Variants in BEX4 observed in about 807,000 individuals in gnomAD.
The protein encoded by BEX4 is protein BEX4.
For synonymous variants in BEX4, 37 were observed against 33.5 expected, an observed-to-expected ratio of 1.11 and a Z score of -0.36; for missense variants, 110 against 96.5, an observed-to-expected ratio of 1.14 and a Z score of -0.59.
Position 103,216,666 on chromosome X carries a change from C to T in BEX4, c.*150C>T, listed in dbSNP as rs1924598008. Reference sequence around the variant, plus strand: ...TAATTGAATATTGTTTTGTCTCAGCCTAAAAGTTACGGTCAGCATGGCAAT... The same window carrying T: ...TAATTGAATATTGTTTTGTCTCAGCTTAAAAGTTACGGTCAGCATGGCAAT... On this transcript the variant is annotated 3_prime_UTR_variant, in exon 3 of 3. Coordinates refer to ENST00000372695, the MANE Select transcript of BEX4 (RefSeq NM_001080425.4). 1.5e-6 allele frequency: 1 copy of T among 672,363 alleles called. No homozygotes were observed. Among genetic ancestry groups the T allele is most frequent in the Non-Finnish European group, 2.2e-6 (1 of 464,554 alleles). The allele number at this position is 672,363 out of a possible 1,213,427, so 55.4% of individuals were successfully genotyped here. A position where few individuals can be genotyped will look rare whatever the true frequency, so the allele number is the denominator to read the frequency against.
chrX:103,216,330 C>T lies in BEX4; in HGVS notation c.177C>T (p.Val59=), dbSNP rs1924586015. 1 of 1,210,720 alleles carries T rather than the reference C, an allele frequency of 8.3e-7. No homozygotes were observed. The highest frequency in any genetic ancestry group is 1.7e-5 in the African/African-American group (1 of 57,692). Residue 59 remains valine, a synonymous_variant, in exon 3 of 3, where the codon GTC becomes GTT. Coordinates refer to ENST00000372695, the MANE Select transcript of BEX4 (RefSeq NM_001080425.4). The stretch of plus-strand genomic sequence containing the variant: ...GGCGGGGGCGAGTTAGGCGACTTGT[C>T]CCTAATTTTCGATGGGCCATACCTA... ...NIRRGRVRRL[V]PNFRWAIPNR...
At position 103,216,431 on chromosome X, in the gene BEX4, A is replaced by G. The variant is rs1602941306; in HGVS notation, c.278A>G (p.Lys93Arg). The G allele has an allele frequency of 8.3e-7, 1 of 1,211,797 alleles. No individual in the cohort carries two copies. The highest frequency in any genetic ancestry group is 1.1e-6 in the Non-Finnish European group (1 of 895,400). Residue 93 changes from lysine to arginine, a missense_variant, in exon 3 of 3, where the codon AAG becomes AGG. By Grantham distance (26) the Lys-to-Arg change is conservative (BLOSUM62 2). Coordinates refer to ENST00000372695, the MANE Select transcript of BEX4 (RefSeq NM_001080425.4). ...FVGQMMEIKR[K>R]TREQQMRHYM... ...GGGCAGATGATGGAAATCAAGAGAA[A>G]GACTAGGGAACAGCAGATGAGGCAC...
rs766131210 is a variant in BEX4 at position 103,216,488 on chromosome X, A to C, written c.335A>C (p.Asn112Thr). ...CGCTTCCAAACTCCTGAACCTGACA[A>C]CCATTATGACTTTTGCCTCATACCT... ...YMRFQTPEPD[N>T]HYDFCLIP The change falls in exon 3 of 3, where the codon AAC becomes ACC. Residue 112 changes from asparagine (N) to threonine (T), a missense_variant. Asn to Thr is a moderately conservative substitution (Grantham distance 65). Transcript: ENST00000372695. 4 of 1,209,062 alleles carry C rather than the reference A, an allele frequency of 3.3e-6. No homozygotes were observed. The East Asian group carries it at 1.2e-4, about 36-fold the overall frequency.
At chrX:103,216,044 C>A in intron 2 of BEX4, 105 bp from the exon 3 acceptor site, 1 of 969,533 alleles carries the variant, frequency 1.0e-6, no homozygotes, top group East Asian at 3.3e-5. Context: ...AGTATAAAGT[C>A]AAGTCCAGGG....
intron 1 of BEX4, 64 bp from the exon 2 acceptor site, chrX:103,215,618 C>A: frequency 1.3e-6 from 1 of 778,401 alleles, no homozygotes; most frequent in Non-Finnish European, 1.6e-6. Flanking sequence ...GGGGAGGGGC[C>A]GGATGGCGGT....
intron 1 of BEX4, 61 bp from the exon 2 acceptor site, chrX:103,215,621 A>T: frequency 1.3e-6 from 1 of 786,576 alleles, no homozygotes; most frequent in Admixed American, 6.2e-5. Flanking sequence ...GAGGGGCCGG[A>T]TGGCGGTAGT....
At chrX:103,215,545 G>A (rs1330952827) in intron 1 of BEX4, 137 bp from the exon 2 acceptor site, 2 of 459,640 alleles carry the variant, frequency 4.4e-6, no homozygotes, top group Non-Finnish European at 5.9e-6. Context: ...CGGCTGAGGC[G>A]GGGGGCGAGG....
At chrX:103,216,035 G>A in intron 2 of BEX4, 114 bp from the exon 3 acceptor site, 5 of 939,354 alleles carry the variant, frequency 5.3e-6, no homozygotes. Context: ...AAATGTTAGA[G>A]TATAAAGTCA....
Position 103,216,584 on chromosome X carries a change from T to C in BEX4, c.*68T>C. 9.3e-7 allele frequency: 1 copy of C among 1,073,927 alleles called. No individual in the cohort carries two copies. 88.5% of individuals were successfully genotyped at this position (1,073,927 alleles called of 1,213,427 possible). ...CAAGCTTGTATTTTTGTGATTTACT[T>C]TTTCTGTAAGCCTTTTGGGGTTTAC... is the stretch of plus-strand genomic sequence containing the variant. On this transcript the variant is annotated 3_prime_UTR_variant, in exon 3 of 3. Coordinates refer to ENST00000372695, the MANE Select transcript of BEX4 (RefSeq NM_001080425.4).
At chrX:103,215,920 G>GTATGC (rs2147647221) in intron 2 of BEX4, among the ~76,000 whole-genome samples, 156 bp downstream of exon 2, 1 of 111,427 alleles carries the variant, frequency 9.0e-6, no homozygotes, top group East Asian at 2.9e-4. Context: ...GCCTGCGGAA[G>GTATGC]CCTGGAGATG....
rs1426161414 is a variant in BEX4, at chrX:103,216,556, T to C, written c.*40T>C. ...CGCTGAGGTTAATGTGAACACTGCT[T>C]TACAAGCTTGTATTTTTGTGATTTA... On this transcript the variant is annotated 3_prime_UTR_variant, in exon 3 of 3. Transcript: ENST00000372695. The C allele has an allele frequency of 6.2e-6, 7 of 1,136,142 alleles. No individual in the cohort carries two copies. The highest frequency in any genetic ancestry group is 8.2e-6 in the Non-Finnish European group (7 of 855,654). 93.6% of individuals were successfully genotyped at this position (1,136,142 alleles called of 1,213,427 possible).
At position 103,217,222 on chromosome X, in the gene BEX4, AAAAG is replaced by A; in HGVS notation, c.*710_*713del. 8.1e-6 allele frequency: 1 copy of A among 123,310 alleles called. No homozygotes were observed. Among genetic ancestry groups the A allele is most frequent in the Non-Finnish European group, 1.9e-5 (1 of 53,316 alleles). 10.2% of individuals were successfully genotyped at this position (123,310 alleles called of 1,213,427 possible). The stretch of plus-strand genomic sequence containing the variant: ...CTGACTTTGATGGGCAAGTAATTAA[AAAAG>A]AAAAGTATGAGACCTTAAAATAAGA... On this transcript the variant is annotated 3_prime_UTR_variant, in exon 3 of 3. Coordinates refer to ENST00000372695, the MANE Select transcript of BEX4 (RefSeq NM_001080425.4).
Position 103,216,647 on chromosome X carries a change from A to C in BEX4, c.*131A>C. 1 of 794,949 alleles carries C rather than the reference A, an allele frequency of 1.3e-6. No homozygotes were observed. Among genetic ancestry groups the C allele is most frequent in the Non-Finnish European group, 1.8e-6 (1 of 565,506 alleles). 65.5% of individuals were successfully genotyped at this position (794,949 alleles called of 1,213,427 possible). A position where few individuals can be genotyped will look rare whatever the true frequency, so the allele number is the denominator to read the frequency against. ...CTAATGGAAATTAGAATTCTAATTG[A>C]ATATTGTTTTGTCTCAGCCTAAAAG... On this transcript the variant is annotated 3_prime_UTR_variant, in exon 3 of 3. Coordinates refer to ENST00000372695, the MANE Select transcript of BEX4 (RefSeq NM_001080425.4).
chrX:103,215,662 C>A lies in BEX4; in HGVS notation c.-88-20C>A, dbSNP rs1248313370. ...GCTAGCGTTCTGCTGCAGCAGCCCC[C>A]ACTTCCCCCACCCCGGCAGTCTGCA... On this transcript the variant is annotated intron_variant, in intron 1 of 2. Transcript: ENST00000372695. The A allele has an allele frequency of 4.6e-6, 4 of 863,949 alleles. 1 individual carries two copies. The highest frequency in any genetic ancestry group is 6.4e-5 in the South Asian group (2 of 31,424). The allele number at this position is 863,949 out of a possible 1,213,427, so 71.2% of individuals were successfully genotyped here.
chrX:103,216,101 T>C, intron 2 of BEX4, 48 bp from the exon 3 acceptor site: 1 of 1,126,970 alleles, frequency 8.9e-7, no homozygotes, highest in South Asian at 2.3e-5. Flanking sequence ...CCTCAGTGCT[T>C]ATCAGTCCAC....
In BEX4 at chrX:103,216,221, G is replaced by A. The variant is rs755040139; in HGVS notation, c.68G>A (p.Gly23Glu). The A allele has an allele frequency of 2.8e-5, 32 of 1,159,003 alleles. No homozygotes were observed. Among genetic ancestry groups the A allele is most frequent in the African/African-American group, 5.5e-5 (3 of 54,865 alleles). ...GAAAATGCCCAACAAGAAAACGAAG[G>A]AGGGGAGCAGGCCCCCACGCAGAAT... is the stretch of plus-strand genomic sequence containing the variant. ...NGENAQQENE[G>E]GEQAPTQNEE... The change falls in exon 3 of 3, where the codon GGA becomes GAA. Residue 23 changes from glycine to glutamate, a missense_variant. Gly to Glu is a moderately conservative substitution (Grantham distance 98). Coordinates refer to ENST00000372695, the MANE Select transcript of BEX4 (RefSeq NM_001080425.4).
chrX:103,215,715 C>T lies in BEX4; in HGVS notation c.-55C>T. 3 of 921,737 alleles carry T rather than the reference C, an allele frequency of 3.3e-6. No homozygotes were observed. Among genetic ancestry groups the T allele is most frequent in the Non-Finnish European group, 4.1e-6 (3 of 735,098 alleles). 76.0% of individuals were successfully genotyped at this position (921,737 alleles called of 1,213,427 possible). On this transcript the variant is annotated 5_prime_UTR_variant, in exon 2 of 3. Coordinates refer to ENST00000372695, the MANE Select transcript of BEX4 (RefSeq NM_001080425.4). ...TCTGCGGGGCTAAGTGTCGCGGCGG[C>T]GCACCTCGCGTCAAGAATCCGGAGG... is the stretch of plus-strand genomic sequence containing the variant.
intron 1 of BEX4, 101 bp downstream of exon 1, chrX:103,215,339 G>A: frequency 1.7e-6 from 1 of 581,861 alleles, no homozygotes; most frequent in East Asian, 1.5e-4. Flanking sequence ...CAATCGGTCC[G>A]CGATGCAGCC....
At position 103,215,736 on chromosome X, in the gene BEX4, G is replaced by A. The variant is rs1924563359; in HGVS notation, c.-34G>A. On this transcript the variant is annotated 5_prime_UTR_variant, in exon 2 of 3. Coordinates refer to ENST00000372695, the MANE Select transcript of BEX4 (RefSeq NM_001080425.4). ...GCGGCGCACCTCGCGTCAAGAATCC[G>A]GAGGAGGAGACTGCAAGGATAGGCC... The A allele has an allele frequency of 3.2e-6, 3 of 928,587 alleles. No individual in the cohort carries two copies. Among genetic ancestry groups the A allele is most frequent in the South Asian group, 5.0e-5 (2 of 40,258 alleles). 76.5% of individuals were successfully genotyped at this position (928,587 alleles called of 1,213,427 possible). A position where few individuals can be genotyped will look rare whatever the true frequency, so the allele number is the denominator to read the frequency against.
Sources: gnomAD v4.1 joint callset for allele counts (sites outside exome capture counted in the v4.1 genomes callset) on GRCh38, gnomAD v4.1.1 for gene constraint, MANE v1.5 for transcripts, NCBI Gene and HGNC (gene_info 2026-07-23, HGNC 2026-07-21) for gene names.